The following BTBD9 variants were observed in gnomAD, a reference collection of about 807,000 sequenced individuals.
BTBD9 encodes the protein BTB domain containing 9, also known as BTB/POZ domain-containing protein 9.
BTBD9 carries 49 observed loss-of-function variants against 64.3 expected under a neutral mutation model. The ratio of observed to expected loss-of-function variants is 0.76; its 90% CI spans 0.61 to 0.97. The LOEUF is 0.97. BTBD9 is among the 50% of genes least tolerant of loss of function. BTBD9 has a pLI of 0.00. For synonymous variants in BTBD9, 260 were observed against 274.7 expected, an observed-to-expected ratio of 0.95 and a Z score of 0.53; for missense variants, 598 against 762.1, an observed-to-expected ratio of 0.78 and a Z score of 2.53.
At chr6:38,522,514 G>A (rs913005035) in intron 6 of BTBD9, among the ~76,000 whole-genome samples, 2 of 152,144 alleles carry the variant, frequency 1.3e-5, no homozygotes, top group Admixed American at 6.5e-5. Context: ...TTTGACGTCC[G>A]TCTGGGTCTT....
At chr6:38,318,096 T>G (rs957495675) in intron 7 of BTBD9, among the ~76,000 whole-genome samples, 1 of 152,130 alleles carries the variant, frequency 6.6e-6, no homozygotes. Context: ...GGTTTCACCA[T>G]GTTGGCCAGG....
At chr6:38,217,699 CTT>C (rs1008904351) in intron 9 of BTBD9, among the ~76,000 whole-genome samples, 3 of 140,422 alleles carry the variant, frequency 2.1e-5, no homozygotes, top group African/African-American at 5.5e-5. Context: ...TTTCTTTTTT[CTT>C]TTTTTTTTTT....
chr6:38,330,976 A>T (rs1274767204), intron 7 of BTBD9, among the ~76,000 whole-genome samples: 2 of 152,218 alleles, frequency 1.3e-5, no homozygotes, highest in African/African-American at 2.4e-5. Flanking sequence ...ACATGTTTTT[A>T]TATTTTGAAC....
At chr6:38,538,794 T>C (rs1179578265) in intron 6 of BTBD9, among the ~76,000 whole-genome samples, 2 of 151,796 alleles carry the variant, frequency 1.3e-5, no homozygotes, top group African/African-American at 2.4e-5. Flanking sequence ...TTTTTTTTTT[T>C]TCTTTTTGAG....
At chr6:38,579,236 A>G (rs1776185081) in intron 5 of BTBD9, among the ~76,000 whole-genome samples, 1 of 152,230 alleles carries the variant, frequency 6.6e-6, no homozygotes, top group African/African-American at 2.4e-5. Context: ...TACTTGGCTC[A>G]AATGGCCTAA....
chr6:38,272,136 A>C (rs1765218598), intron 8 of BTBD9, among the ~76,000 whole-genome samples: 1 of 152,332 alleles, frequency 6.6e-6, no homozygotes, highest in African/African-American at 2.4e-5. Flanking sequence ...GCCCTACTAA[A>C]GGGGATGGAA....
intron 7 of BTBD9, among the ~76,000 whole-genome samples, chr6:38,341,176 G>C (rs1764083621): frequency 6.6e-6 from 1 of 152,142 alleles, no homozygotes; most frequent in African/African-American, 2.4e-5. Flanking sequence ...ACTGAGTTCT[G>C]ATTTACTCAA....
intron 6 of BTBD9, among the ~76,000 whole-genome samples, chr6:38,405,220 T>C (rs1767111128): frequency 6.6e-6 from 1 of 152,134 alleles, no homozygotes; most frequent in Admixed American, 6.6e-5. Context: ...ATACCTGGCC[T>C]GGGCAGGTCT....
At chr6:38,354,069 T>C (rs1764625834) in intron 6 of BTBD9, among the ~76,000 whole-genome samples, 1 of 152,024 alleles carries the variant, frequency 6.6e-6, no homozygotes, top group African/African-American at 2.4e-5. Context: ...AAAGAATTAG[T>C]CTCTCCCCAA....
In BTBD9 at chr6:38,440,674, T is replaced by G. The variant is rs1347407087; in HGVS notation, c.1155-95581A>C. On this transcript the variant is annotated intron_variant, in intron 6 of 10. Transcript: ENST00000481247. ...ATTAAATGTTTAGTGTATATTATAG[T>G]AACATATTACTTTTAGGTATGTCAA... Among the ~76,000 whole-genome samples the G allele has an allele frequency of 1.3e-4, 20 of 152,236 alleles. 1 individual carries two copies. Among genetic ancestry groups the G allele is most frequent in the Admixed American group, 1.3e-3 (20 of 15,282 alleles).
At chr6:38,303,390 G>T (rs1322165994) in intron 7 of BTBD9, among the ~76,000 whole-genome samples, 1 of 152,050 alleles carries the variant, frequency 6.6e-6, no homozygotes, top group African/African-American at 2.4e-5. Flanking sequence ...TATATATATT[G>T]TATTTATGTT....
At chr6:38,434,076 T>C (rs1385385971) in intron 6 of BTBD9, among the ~76,000 whole-genome samples, 3 of 152,042 alleles carry the variant, frequency 2.0e-5, no homozygotes, top group Admixed American at 2.0e-4. Context: ...GACTCTGGTA[T>C]AGCATTATGT....
chr6:38,191,283 G>A (rs557456559), intron 10 of BTBD9, among the ~76,000 whole-genome samples: 20 of 152,232 alleles, frequency 1.3e-4, no homozygotes, highest in East Asian at 1.2e-3. Flanking sequence ...ATATTTTCAC[G>A]TTTAAAAATG....
At chr6:38,365,773 AAAC>A (rs1222852343) in intron 6 of BTBD9, among the ~76,000 whole-genome samples, 4 of 151,920 alleles carry the variant, frequency 2.6e-5, no homozygotes, top group Non-Finnish European at 5.9e-5. Flanking sequence ...AAAAAAAAAA[AAAC>A]ATACTGAAGG....
At chr6:38,295,719 A>C (rs1762134113) in intron 7 of BTBD9, among the ~76,000 whole-genome samples, 1 of 152,124 alleles carries the variant, frequency 6.6e-6, no homozygotes, top group Non-Finnish European at 1.5e-5. Flanking sequence ...TCACATATGA[A>C]GTTTTTGTAT....
chr6:38,319,519 G>C (rs1931758), intron 7 of BTBD9, among the ~76,000 whole-genome samples: 48,052 of 151,632 alleles, frequency 0.32, 9,751 homozygotes, highest in Non-Finnish European at 0.46. Context: ...ATCCTGCCAG[G>C]ACTGGGTCCT....
intron 6 of BTBD9, among the ~76,000 whole-genome samples, chr6:38,353,455 C>T (rs1054761502): frequency 1.3e-5 from 2 of 151,906 alleles, no homozygotes; most frequent in African/African-American, 4.8e-5. Flanking sequence ...AAGAGAGGAG[C>T]AAGGGAGAAA....
At chr6:38,587,453 G>A (rs939584633) in intron 4 of BTBD9, 33 of 546,334 alleles carry the variant, frequency 6.0e-5, no homozygotes, top group African/African-American at 5.4e-4. Context: ...ATGATGCAAC[G>A]AGTTTTCAGG....
At chr6:38,515,601 T>A (rs912894224) in intron 6 of BTBD9, among the ~76,000 whole-genome samples, 9 of 152,196 alleles carry the variant, frequency 5.9e-5, no homozygotes, top group Non-Finnish European at 8.8e-5. Context: ...TATTTCAATA[T>A]CCTCTCTCCA....
Sources: allele counts gnomAD v4.1 joint callset (sites outside exome capture counted in the v4.1 genomes callset), GRCh38; gene constraint gnomAD v4.1.1; transcripts MANE v1.5; gene names NCBI Gene and HGNC (gene_info 2026-07-23, HGNC 2026-07-21).